GARS1: variants seen among roughly 807,000 people sequenced by gnomAD.
GARS1 encodes the protein glycine--tRNA ligase.
Under a neutral mutation model 86.4 loss-of-function variants are expected in GARS1, and 46 were observed. The ratio of observed to expected loss-of-function variants is 0.53; its 90% CI spans 0.42 to 0.68. The LOEUF (loss-of-function observed/expected upper bound fraction) is 0.68. Among genes scored for constraint, GARS1 ranks in the 30% least tolerant of loss-of-function variants. GARS1 has a pLI of 0.00. For synonymous variants in GARS1, 342 were observed against 329.8 expected, an observed-to-expected ratio of 1.04 and a Z score of -0.40; for missense variants, 797 against 915.6, an observed-to-expected ratio of 0.87 and a Z score of 1.67.
intron 11 of GARS1, 38 bp from the exon 12 acceptor site, chr7:30,622,279 G>T: frequency 6.2e-7 from 1 of 1,612,888 alleles, no homozygotes. Context: ...AAATACTGAG[G>T]CAGTGCTGTA....
At chr7:30,603,659 G>A (rs1222955567) in intron 6 of GARS1, 87 bp downstream of exon 6, 24 of 913,922 alleles carry the variant, frequency 2.6e-5, no homozygotes, top group Middle Eastern at 4.2e-4. Context: ...TTCCCATTAT[G>A]CTGACCCTGG....
At position 30,615,932 on chromosome 7, in the gene GARS1, T is replaced by A. The variant is rs1344399581; in HGVS notation, c.1068T>A (p.Asp356Glu). 6.2e-7 allele frequency: 1 copy of A among 1,614,194 alleles called. No homozygotes were observed. The highest frequency in any genetic ancestry group is 1.1e-5 in the South Asian group (1 of 91,086). The stretch of plus-strand genomic sequence containing the variant: ...TGGCAGAAATTGAGCACTTTGTAGA[T>A]CCCAGTGAGAAAGACCACCCCAAGT... Reference protein sequence around the residue: ...FTMAEIEHFVDPSEKDHPKFQ... With the variant: ...FTMAEIEHFVEPSEKDHPKFQ... The change falls in exon 9 of 17, where the codon GAT becomes GAA. Residue 356 changes from aspartate (D) to glutamate (E), a missense_variant. By Grantham distance (45) the Asp-to-Glu change is conservative. Around this residue, in one of 2 missense-constraint regions of GARS1, gnomAD observed 598 missense variants for 738.7 expected, o/e 0.81. Transcript: ENST00000389266.
At chr7:30,611,830 T>C (rs1439455279) in intron 7 of GARS1, among the ~76,000 whole-genome samples, 1 of 152,112 alleles carries the variant, frequency 6.6e-6, no homozygotes, top group Admixed American at 6.5e-5. Flanking sequence ...TTTTGAGAAG[T>C]GGGGTTTTGA....
intron 13 of GARS1, among the ~76,000 whole-genome samples, chr7:30,628,218 C>T (rs1277866969): frequency 6.6e-6 from 1 of 151,640 alleles, no homozygotes; most frequent in Non-Finnish European, 1.5e-5. Flanking sequence ...AAGTCTCGCC[C>T]TTGCCTTCCA....
rs1006067111 is a variant in GARS1 at position 30,623,015 on chromosome 7, G to A, written c.1613+553G>A. ...ACTCAGGAGGCTGAGGCAGGAGAATGGCGTGAACCTGGGAGGCGGAGCTTG... is the reference window on the plus strand; with the variant it reads ...ACTCAGGAGGCTGAGGCAGGAGAATAGCGTGAACCTGGGAGGCGGAGCTTG... On this transcript the variant is annotated intron_variant, in intron 12 of 16. Coordinates refer to ENST00000389266, the MANE Select transcript of GARS1 (RefSeq NM_002047.4). Among the ~76,000 whole-genome samples the A allele has an allele frequency of 2.6e-5, 4 of 151,618 alleles. No individual in the cohort carries two copies. The East Asian group carries it at 7.7e-4, about 29-fold the overall frequency.
chr7:30,633,877 T>C lies in GARS1; in HGVS notation c.*17T>C. The C allele has an allele frequency of 6.3e-7, 1 of 1,591,440 alleles. No individual in the cohort carries two copies. The highest frequency in any genetic ancestry group is 8.5e-7 in the Non-Finnish European group (1 of 1,169,902). On this transcript the variant is annotated 3_prime_UTR_variant, in exon 17 of 17. Transcript: ENST00000389266. Reference sequence around the variant, plus strand: ...GAGGAATGAGGACAATTTTGACAACTTTTGACCACTTGCGCTAATAAAAAA... The same window carrying C: ...GAGGAATGAGGACAATTTTGACAACCTTTGACCACTTGCGCTAATAAAAAA...
intron 1 of GARS1, among the ~76,000 whole-genome samples, chr7:30,595,518 T>G (rs1019740102): frequency 3.3e-5 from 5 of 152,176 alleles, no homozygotes; most frequent in African/African-American, 4.8e-5. Flanking sequence ...AACCTTAACT[T>G]CAGTTTTCCA....
At position 30,631,530 on chromosome 7, in the gene GARS1, T is replaced by C; in HGVS notation, c.1892T>C (p.Val631Ala). 1 of 1,612,022 alleles carries C rather than the reference T, an allele frequency of 6.2e-7. No homozygotes were observed. The highest frequency in any genetic ancestry group is 8.5e-7 in the Non-Finnish European group (1 of 1,178,200). ...LSQNQEFMPF[V>A]KELSEALTRH... ...CAAAACCAGGAGTTCATGCCATTTG[T>C]CAAGGAATTATGTAAGCAAATTCAA... The change falls in exon 15 of 17, where the codon GTC (valine) becomes GCC (alanine). Residue 631 changes from valine (V) to alanine (A), a missense_variant. Physicochemically the swap from Val to Ala is moderately conservative, Grantham distance 64. Transcript: ENST00000389266.
chr7:30,628,328 G>A (rs1002012053), intron 13 of GARS1, among the ~76,000 whole-genome samples: 2 of 151,974 alleles, frequency 1.3e-5, no homozygotes, highest in Admixed American at 1.3e-4. Flanking sequence ...GGGATTACAC[G>A]CACCTGCCAC....
chr7:30,606,950 G>A (rs754575697), intron 6 of GARS1, among the ~76,000 whole-genome samples: 11 of 152,058 alleles, frequency 7.2e-5, no homozygotes, highest in African/African-American at 1.4e-4. Flanking sequence ...ACCAAAAATC[G>A]CAGTTCTCAG....
chr7:30,620,530 A>G (rs1410441855), intron 10 of GARS1, among the ~76,000 whole-genome samples: 2 of 152,244 alleles, frequency 1.3e-5, no homozygotes, highest in African/African-American at 4.8e-5. Context: ...ATTGGGAGTT[A>G]GGATTTCAAT....
chr7:30,622,244 T>G (rs1469130850), intron 11 of GARS1, 73 bp from the exon 12 acceptor site: 6 of 1,572,134 alleles, frequency 3.8e-6, no homozygotes, highest in Non-Finnish European at 5.2e-6. Context: ...AGTTGATGAT[T>G]GATTGTTCTC....
At position 30,595,019 on chromosome 7, in the gene GARS1, G is replaced by T; in HGVS notation, c.98G>T (p.Arg33Leu). Residue 33 changes from arginine to leucine, a missense_variant, in exon 1 of 17, where the codon CGC becomes CTC. Transcript: ENST00000389266. ...RLLARPSLLLRRSLSAASCPP... is the reference protein window; with the variant it reads ...RLLARPSLLLLRSLSAASCPP... ...TTAGCCCGACCCTCGCTCCTGCTCC[G>T]CCGGTCCCTCAGCGCGGCCTCCTGC... is the stretch of plus-strand genomic sequence containing the variant. 5 of 1,580,258 alleles carry T rather than the reference G, an allele frequency of 3.2e-6. No homozygotes were observed. Among genetic ancestry groups the T allele is most frequent in the Non-Finnish European group, 4.3e-6 (5 of 1,170,838 alleles).
At chr7:30,621,638 A>G (rs745999367) in intron 11 of GARS1, 138 bp downstream of exon 11, 60 of 745,192 alleles carry the variant, frequency 8.1e-5, no homozygotes, top group Non-Finnish European at 1.2e-4. Context: ...TAAACCTATT[A>G]TTTTACCTAT....
intron 6 of GARS1, among the ~76,000 whole-genome samples, chr7:30,609,237 G>T (rs1262274246): frequency 6.6e-6 from 1 of 152,172 alleles, no homozygotes. Flanking sequence ...CCTTAAATAT[G>T]TTCAGAGTAG....
chr7:30,598,991 A>G, intron 2 of GARS1, 94 bp downstream of exon 2: 1 of 953,458 alleles, frequency 1.0e-6, no homozygotes, highest in Admixed American at 2.0e-5. Flanking sequence ...AAAGTTTCTG[A>G]ACAAGTATCA....
chr7:30,613,450 A>C (rs1339766705), intron 8 of GARS1, among the ~76,000 whole-genome samples: 1 of 152,224 alleles, frequency 6.6e-6, no homozygotes, highest in Non-Finnish European at 1.5e-5. Flanking sequence ...TCTAGCAAGT[A>C]TGCCTTCCCA....
Position 30,632,194 on chromosome 7 carries a change from C to A in GARS1, c.1904-53C>A. 1 of 1,551,188 alleles carries A rather than the reference C, an allele frequency of 6.4e-7. No homozygotes were observed. The highest frequency in any genetic ancestry group is 2.3e-5 in the East Asian group (1 of 44,150). On this transcript the variant is annotated intron_variant, in intron 15 of 16. Coordinates refer to ENST00000389266, the MANE Select transcript of GARS1 (RefSeq NM_002047.4). The surrounding 1 kb of genome is among the most constrained non-coding windows in gnomAD (Gnocchi z 4.1). Reference sequence around the variant, plus strand: ...CTTGTAAGACAGTAGTTAGATAACACTGGGCTTAACTCCATTGTTTTATTT... The same window carrying A: ...CTTGTAAGACAGTAGTTAGATAACAATGGGCTTAACTCCATTGTTTTATTT...
intron 14 of GARS1, among the ~76,000 whole-genome samples, chr7:30,630,612 G>A (rs1164039762): frequency 6.7e-6 from 1 of 149,548 alleles, no homozygotes; most frequent in Non-Finnish European, 1.5e-5. Context: ...CTGGGCTCAA[G>A]CAATCCTCCT....
Sources: allele counts gnomAD v4.1 joint callset (sites outside exome capture counted in the v4.1 genomes callset), GRCh38; gene constraint gnomAD v4.1.1; regional missense constraint gnomAD v4.1.1; non-coding constraint Gnocchi (gnomAD v3.1); transcripts MANE v1.5; gene names NCBI Gene and HGNC (gene_info 2026-07-23, HGNC 2026-07-21).